Variants in PCDHGA2 observed in about 807,000 individuals in gnomAD.
PCDHGA2 encodes the protein protocadherin gamma subfamily A, 2.
Under a neutral mutation model 59.2 loss-of-function variants are expected in PCDHGA2, and 40 were observed. The observed-to-expected ratio is 0.68, with a 90% CI of 0.52 to 0.88. The LOEUF is 0.88. Ranked by LOEUF, PCDHGA2 falls within the 40% of genes least tolerant of loss-of-function variation. The pLI, the probability that PCDHGA2 is intolerant of heterozygous loss-of-function variation, is 0.00. For missense variants in PCDHGA2, 1,226 were observed against 1,204.0 expected, an observed-to-expected ratio of 1.02 and a Z score of -0.27; for synonymous variants, 560 against 526.0, an observed-to-expected ratio of 1.06 and a Z score of -0.89.
chr5:141,439,773 C>G (rs1323463060), intron 1 of PCDHGA2: 2 of 152,344 alleles, frequency 1.3e-5, no homozygotes, highest in East Asian at 3.9e-4. Flanking sequence ...TCCTTCTTGG[C>G]TGGAGATTCT....
intron 1 of PCDHGA2, among the ~76,000 whole-genome samples, chr5:141,469,340 G>A (rs1412181099): frequency 6.6e-6 from 1 of 152,138 alleles, no homozygotes; most frequent in Non-Finnish European, 1.5e-5. Context: ...ACTTTGGGAG[G>A]CTGAGGTGGA....
intron 2 of PCDHGA2, among the ~76,000 whole-genome samples, chr5:141,499,869 G>A (rs1247615457): frequency 3.3e-5 from 5 of 151,938 alleles, no homozygotes; most frequent in Non-Finnish European, 5.9e-5. Context: ...TGTATTTTCA[G>A]TACAAACAGG....
At chr5:141,374,857 C>T in intron 1 of PCDHGA2, 1 of 1,613,768 alleles carries the variant, frequency 6.2e-7, no homozygotes, top group East Asian at 2.2e-5. Context: ...TGCCAGTAGG[C>T]ACACCAGTGT....
At chr5:141,465,714 C>T (rs1015102102) in intron 1 of PCDHGA2, among the ~76,000 whole-genome samples, 4 of 152,200 alleles carry the variant, frequency 2.6e-5, no homozygotes, top group Non-Finnish European at 5.9e-5. Context: ...AATGCCACCA[C>T]TTCCACCTCT....
chr5:141,369,924 C>T (rs1175657292), intron 1 of PCDHGA2, among the ~76,000 whole-genome samples: 1 of 152,092 alleles, frequency 6.6e-6, no homozygotes, highest in East Asian at 1.9e-4. Context: ...AAACTAAAAA[C>T]GTGACGGGAT....
In PCDHGA2 at chr5:141,485,013, C is replaced by A. The variant is rs551059588; in HGVS notation, c.2425-9794C>A. ...GTGAAAGGCAGACAAATCTACCCCG[C>A]CACCAGCAAAAACGGCGCGTAACCC... On this transcript the variant is annotated intron_variant, in intron 1 of 3. Coordinates refer to ENST00000394576, the MANE Select transcript of PCDHGA2 (RefSeq NM_018915.4). This position sits in a 1 kb window ranked among gnomAD's most constrained non-coding sequence, Gnocchi z 5.7. The A allele has an allele frequency of 6.3e-6, 4 of 634,556 alleles. No homozygotes were observed. Among genetic ancestry groups the A allele is most frequent in the South Asian group, 3.9e-5 (2 of 51,594 alleles). The allele number at this position is 634,556 out of a possible 1,614,324, so 39.3% of individuals were successfully genotyped here. A position where few individuals can be genotyped will look rare whatever the true frequency, so the allele number is the denominator to read the frequency against.
Position 141,364,754 on chromosome 5 carries a change from G to T in PCDHGA2, c.2424+23359G>T. ...CCGGGATGAAGAGTTAAAAGTAAAA[G>T]TTAATGAAAATGCGGCTGCAGGGAC... On this transcript the variant is annotated intron_variant, in intron 1 of 3. Transcript: ENST00000394576. The T allele has an allele frequency of 6.2e-7, 1 of 1,613,988 alleles. No individual in the cohort carries two copies. The highest frequency in any genetic ancestry group is 8.5e-7 in the Non-Finnish European group (1 of 1,179,900).
At chr5:141,484,891 C>T in intron 1 of PCDHGA2, 1 of 361,788 alleles carries the variant, frequency 2.8e-6, no homozygotes, top group Non-Finnish European at 5.0e-6. Context: ...GGGCTTTTTC[C>T]CCTCCAATGC....
intron 1 of PCDHGA2, chr5:141,384,773 A>C (rs775593747): frequency 6.2e-6 from 10 of 1,613,726 alleles, no homozygotes; most frequent in Middle Eastern, 1.6e-4. Flanking sequence ...TACACGGGCG[A>C]GGTGCGCACG....
chr5:141,384,184 A>C (rs1179495803), intron 1 of PCDHGA2: 2 of 1,613,640 alleles, frequency 1.2e-6, no homozygotes, highest in Non-Finnish European at 1.7e-6. Flanking sequence ...AGATGGTGGA[A>C]CTCCTCCCTT....
intron 1 of PCDHGA2, chr5:141,398,588 T>C: frequency 1.9e-6 from 3 of 1,614,010 alleles, no homozygotes; most frequent in African/African-American, 1.3e-5. Flanking sequence ...AGATTTATAC[T>C]AGAAGTAGCA....
intron 1 of PCDHGA2, among the ~76,000 whole-genome samples, chr5:141,488,493 C>T (rs1594759823): frequency 6.6e-6 from 1 of 152,226 alleles, no homozygotes; most frequent in East Asian, 1.9e-4. Context: ...AAAACTGTAA[C>T]ACTCATTCCA....
At chr5:141,418,455 C>G (rs1287627325) in intron 1 of PCDHGA2, 3 of 1,613,990 alleles carry the variant, frequency 1.9e-6, no homozygotes, top group Non-Finnish European at 2.5e-6. Flanking sequence ...TTGCAGAAGA[C>G]TCTGGACCGA....
In PCDHGA2 at chr5:141,372,623, C is replaced by T. The variant is rs1024329977; in HGVS notation, c.2424+31228C>T. The T allele has an allele frequency of 6.8e-6, 11 of 1,613,878 alleles. No homozygotes were observed. In the Admixed American group the frequency reaches 1.2e-4, roughly 17 times the overall value. ...CTGTACCTGGAGTTCTCCCCACCTA[C>T]AGCGAAAGGACTTTGCCTTATTCCT... is the stretch of plus-strand genomic sequence containing the variant. On this transcript the variant is annotated intron_variant, in intron 1 of 3. Transcript: ENST00000394576.
Position 141,487,246 on chromosome 5 carries a change from C to T in PCDHGA2, c.2425-7561C>T. 1 of 1,614,166 alleles carries T rather than the reference C, an allele frequency of 6.2e-7. No individual in the cohort carries two copies. The highest frequency in any genetic ancestry group is 8.5e-7 in the Non-Finnish European group (1 of 1,180,014). ...GGGAAGGAGAATCTCGTCTAACCCTCTACTTGGCTGTGTCCCTAGTGGCAA... is the reference window on the plus strand; with the variant it reads ...GGGAAGGAGAATCTCGTCTAACCCTTTACTTGGCTGTGTCCCTAGTGGCAA... On this transcript the variant is annotated intron_variant, in intron 1 of 3. Coordinates refer to ENST00000394576, the MANE Select transcript of PCDHGA2 (RefSeq NM_018915.4). This position sits in a 1 kb window ranked among gnomAD's most constrained non-coding sequence, Gnocchi z 5.0.
At position 141,388,118 on chromosome 5, in the gene PCDHGA2, C is replaced by A. The variant is rs771996326; in HGVS notation, c.2424+46723C>A. The A allele has an allele frequency of 1.1e-5, 15 of 1,412,700 alleles. No homozygotes were observed. In the Admixed American group the frequency reaches 3.0e-4, roughly 28 times the overall value. The allele number at this position is 1,412,700 out of a possible 1,614,324, so 87.5% of individuals were successfully genotyped here. A position where few individuals can be genotyped will look rare whatever the true frequency, so the allele number is the denominator to read the frequency against. On this transcript the variant is annotated intron_variant, in intron 1 of 3. Coordinates refer to ENST00000394576, the MANE Select transcript of PCDHGA2 (RefSeq NM_018915.4). ...CGGAGAAGCCTTACTTCACCGTGAG[C>A]GCAGAGAGCGGGGAGTTGCTTGTGA...
rs751320023 is a variant in PCDHGA2 at position 141,431,263 on chromosome 5, G to T, written c.2425-63544G>T. 6 of 1,614,060 alleles carry T rather than the reference G, an allele frequency of 3.7e-6. No homozygotes were observed. In the East Asian group the frequency reaches 1.3e-4, roughly 36 times the overall value. ...CGGATATCGGGAAGAACTCTCTGCA[G>T]AGCTACGAGCTCAGCCCGAACACTC... On this transcript the variant is annotated intron_variant, in intron 1 of 3. Transcript: ENST00000394576. The surrounding 1 kb of genome is among the most constrained non-coding windows in gnomAD (Gnocchi z 4.8).
intron 2 of PCDHGA2, among the ~76,000 whole-genome samples, chr5:141,505,122 A>G (rs2099843899): frequency 6.6e-6 from 1 of 152,194 alleles, no homozygotes; most frequent in Non-Finnish European, 1.5e-5. Context: ...AGATCGCGCC[A>G]CTGCACTCCA....
chr5:141,426,802 C>G (rs2096961440), intron 1 of PCDHGA2: 1 of 456,696 alleles, frequency 2.2e-6, no homozygotes, highest in South Asian at 1.5e-5. Flanking sequence ...CAGCTCAGTT[C>G]TAATGAACAT....
Sources: allele counts gnomAD v4.1 joint callset (sites outside exome capture counted in the v4.1 genomes callset), GRCh38; gene constraint gnomAD v4.1.1; non-coding constraint Gnocchi (gnomAD v3.1); transcripts MANE v1.5; gene names NCBI Gene and HGNC (gene_info 2026-07-23, HGNC 2026-07-21).